Variants in EMG1 observed in about 807,000 individuals in gnomAD.
EMG1 encodes EMG1 N1-specific pseudouridine methyltransferase.
A neutral mutation model predicts 26.9 loss-of-function variants in EMG1; 24 were observed. The observed-to-expected ratio is 0.89, with a 90% confidence interval of 0.65 to 1.26. The LOEUF (loss-of-function observed/expected upper bound fraction) is 1.26, where lower values mean the gene tolerates loss of function less well. EMG1 is among the 50% of genes most tolerant of loss of function. The probability of loss-of-function intolerance (pLI) is 0.00; values close to 1 mark genes in which losing one functional copy is unlikely to be tolerated. For synonymous variants in EMG1, 140 were observed against 112.6 expected (o/e 1.24, Z -1.54); for missense variants, 299 against 307.6 (o/e 0.97, Z 0.21).
Position 6,975,502 on chromosome 12 carries a change from G to T in EMG1, c.621+124G>T. The T allele has an allele frequency of 3.5e-6, 4 of 1,149,978 alleles. No individual in the cohort carries two copies. The South Asian group carries it at 6.0e-5, about 17-fold the overall frequency. 71.2% of individuals were successfully genotyped at this position (1,149,978 alleles called of 1,614,324 possible). A position where few individuals can be genotyped will look rare whatever the true frequency, so the allele number is the denominator to read the frequency against. On this transcript the variant is annotated intron_variant, in intron 5 of 5. Coordinates refer to ENST00000599672, the MANE Select transcript of EMG1 (RefSeq NM_006331.8). The stretch of plus-strand genomic sequence containing the variant: ...AAGACACATGACAGTTCCACACCCT[G>T]CCCCAGGGCACATCCTTTGAGGGCT...
chr12:6,976,858 CG>C lies in EMG1; in HGVS notation c.*1050del. On this transcript the variant is annotated 3_prime_UTR_variant, in exon 6 of 6. Coordinates refer to ENST00000599672, the MANE Select transcript of EMG1 (RefSeq NM_006331.8). ...CAAAGGAGTGCTGTGAAAAGGGAGA[CG>C]AGTAGTTTCTGCACCAGTCCCGCAC... 3.3e-6 allele frequency: 1 copy of C among 302,710 alleles called. No homozygotes were observed. 18.8% of individuals were successfully genotyped at this position (302,710 alleles called of 1,614,324 possible).
At chr12:6,993,586 T>G (rs1295564470) in intron 7 of EMG1, among the ~76,000 whole-genome samples, 2 of 152,240 alleles carry the variant, frequency 1.3e-5, no homozygotes, top group African/African-American at 4.8e-5. Context: ...ATCTACTTTA[T>G]GTCTCTATAG....
downstream of EMG1, among the ~76,000 whole-genome samples, chr12:6,980,385 T>A (rs1282870267): frequency 6.6e-6 from 1 of 152,130 alleles, no homozygotes; most frequent in Non-Finnish European, 1.5e-5. Context: ...GATTTTGCTA[T>A]GTTGCCCAGA....
chr12:6,986,795 CAAAAAAAAAAAA>C (rs1157395768), intron 6 of EMG1, among the ~76,000 whole-genome samples: 5 of 33,924 alleles, frequency 1.5e-4, no homozygotes, highest in Non-Finnish European at 2.5e-4. Context: ...GACTCTGTCT[CAAAAAAAAAAAA>C]AAAAAAAAAA....
rs1402722258 is a variant in EMG1, at chr12:6,970,976, A to G, written c.53A>G (p.Gln18Arg). The change falls in exon 1 of 6, where the codon CAG becomes CGG. Residue 18 changes from glutamine to arginine, a missense_variant. Transcript: ENST00000599672. The part of the protein sequence containing the change: ...FKPRERSGGE[Q>R]AQDWDALPPK... ...CCTCGTGAACGAAGCGGTGGGGAGC[A>G]GGCACAGGACTGGGATGCTCTGCCA... The G allele has an allele frequency of 6.2e-7, 1 of 1,612,838 alleles. No individual in the cohort carries two copies. Among genetic ancestry groups the G allele is most frequent in the African/African-American group, 1.3e-5 (1 of 74,906 alleles).
At chr12:6,994,171 C>T (rs1423350672) in intron 7 of EMG1, among the ~76,000 whole-genome samples, 1 of 152,112 alleles carries the variant, frequency 6.6e-6, no homozygotes, top group South Asian at 2.1e-4. Flanking sequence ...TTTCAATTCT[C>T]TTGGGTATAT....
At chr12:6,990,880 G>A (rs1308410457), downstream of EMG1, among the ~76,000 whole-genome samples, 3 of 142,226 alleles carry the variant, frequency 2.1e-5, no homozygotes, top group Non-Finnish European at 4.5e-5. Flanking sequence ...TCACGCCACT[G>A]TGCTCCAGAC....
chr12:6,991,904 G>T (rs1449904592), downstream of EMG1, among the ~76,000 whole-genome samples: 1 of 152,004 alleles, frequency 6.6e-6, no homozygotes, highest in Non-Finnish European at 1.5e-5. Flanking sequence ...AGTTTAAAAA[G>T]ATGTACTCAG....
In EMG1 at chr12:6,978,355, G is replaced by A. The variant is rs376712653; in HGVS notation, c.*2546G>A. On this transcript the variant is annotated 3_prime_UTR_variant, in exon 6 of 6. Coordinates refer to ENST00000599672, the MANE Select transcript of EMG1 (RefSeq NM_006331.8). ...CAGCAGCTCACCGGGCCACCCAGGC[G>A]TTGGTGTTGATGTTGAATGAGGCAA... 1.4e-5 allele frequency: 23 copies of A among 1,610,972 alleles called. No homozygotes were observed. The highest frequency in any genetic ancestry group is 4.5e-5 in the East Asian group (2 of 44,854).
chr12:6,982,538 C>G (rs1189442562), downstream of EMG1: 18 of 644,556 alleles, frequency 2.8e-5, no homozygotes, highest in Admixed American at 4.4e-4. Flanking sequence ...AAGCCACCTA[C>G]CTGAAGTCAT....
chr12:6,986,850 C>G (rs1946531969), intron 6 of EMG1, among the ~76,000 whole-genome samples: 1 of 149,986 alleles, frequency 6.7e-6, no homozygotes, highest in African/African-American at 2.4e-5. Flanking sequence ...TGCGGCAGCT[C>G]ACACCTGTAA....
Position 6,978,843 on chromosome 12 carries a change from A to G in EMG1, c.*3034A>G, listed in dbSNP as rs1946438552. On this transcript the variant is annotated 3_prime_UTR_variant, in exon 6 of 6. Transcript: ENST00000599672. ...ATAGTCTGGCCTGATTGCCTTCACA[A>G]TAGGCAGAGAGGAATAAGCAGAGGG... 2 of 1,034,016 alleles carry G rather than the reference A, an allele frequency of 1.9e-6. No individual in the cohort carries two copies. Among genetic ancestry groups the G allele is most frequent in the Middle Eastern group, 2.6e-4 (1 of 3,796 alleles). The allele number at this position is 1,034,016 out of a possible 1,614,324, so 64.1% of individuals were successfully genotyped here.
intron 6 of EMG1, among the ~76,000 whole-genome samples, chr12:6,985,995 G>A (rs1477799868): frequency 1.7e-4 from 26 of 151,722 alleles, no homozygotes; most frequent in African/African-American, 6.3e-4. Context: ...GGCTGGTCTC[G>A]AACTCCTGAC....
Position 6,974,435 on chromosome 12 carries a change from C to T in EMG1, c.265C>T (p.His89Tyr), listed in dbSNP as rs1392318274. 3.7e-6 allele frequency: 6 copies of T among 1,613,254 alleles called. No homozygotes were observed. Among genetic ancestry groups the T allele is most frequent in the African/African-American group, 1.3e-5 (1 of 74,920 alleles). ...DPGEARPDIT[H>Y]QSLLMLMDSP... ...TGGGGAAGCGCGGCCAGATATCACC[C>T]ACCAGGTAACTCCAGGGACAGTGCT... is the stretch of plus-strand genomic sequence containing the variant. Residue 89 changes from histidine to tyrosine, a missense_variant, in exon 2 of 6, where the codon CAC becomes TAC. Coordinates refer to ENST00000599672, the MANE Select transcript of EMG1 (RefSeq NM_006331.8).
Position 6,978,386 on chromosome 12 carries a change from C to T in EMG1, c.*2577C>T. The T allele has an allele frequency of 5.0e-6, 8 of 1,613,588 alleles. No individual in the cohort carries two copies. Among genetic ancestry groups the T allele is most frequent in the East Asian group, 2.2e-5 (1 of 44,880 alleles). On this transcript the variant is annotated 3_prime_UTR_variant, in exon 6 of 6. Coordinates refer to ENST00000599672, the MANE Select transcript of EMG1 (RefSeq NM_006331.8). ...GTTGATGTTGAATGAGGCAATGGTG[C>T]CAGTGAAGCGGGGGTTTGTTTCAAA...
intron 6 of EMG1, among the ~76,000 whole-genome samples, chr12:6,986,058 A>G (rs1591549115): frequency 2.0e-5 from 3 of 151,518 alleles, no homozygotes; most frequent in Non-Finnish European, 4.4e-5. Flanking sequence ...TACAGGCGTG[A>G]GCCACCACGC....
chr12:6,982,632 C>T (rs782403359), downstream of EMG1: 38 of 1,462,330 alleles, frequency 2.6e-5, no homozygotes, highest in Non-Finnish European at 3.6e-5. Flanking sequence ...GTCCCCTGAA[C>T]CGCTGTCAGC....
rs782698373 is a variant in EMG1, at chr12:6,977,979, G to A, written c.*2170G>A. The A allele has an allele frequency of 5.2e-6, 3 of 576,516 alleles. No homozygotes were observed. The highest frequency in any genetic ancestry group is 4.0e-5 in the South Asian group (2 of 49,938). The allele number at this position is 576,516 out of a possible 1,614,324, so 35.7% of individuals were successfully genotyped here. On this transcript the variant is annotated 3_prime_UTR_variant, in exon 6 of 6. Coordinates refer to ENST00000599672, the MANE Select transcript of EMG1 (RefSeq NM_006331.8). This position sits in a 1 kb window ranked among gnomAD's most constrained non-coding sequence, Gnocchi z 4.5. ...GCCACTTGGTTCAGCAGCAGTGACTGAGGCTGATGCTGAGATCAGTGGTGA... is the reference window on the plus strand; with the variant it reads ...GCCACTTGGTTCAGCAGCAGTGACTAAGGCTGATGCTGAGATCAGTGGTGA...
chr12:6,995,235 G>C (rs1306804870), intron 7 of EMG1, among the ~76,000 whole-genome samples: 7 of 151,860 alleles, frequency 4.6e-5, no homozygotes, highest in African/African-American at 1.7e-4. Flanking sequence ...CAGCACTTTG[G>C]GAGGCCAAGG....
Sources: allele counts gnomAD v4.1 joint callset (sites outside exome capture counted in the v4.1 genomes callset), GRCh38; gene constraint gnomAD v4.1.1; non-coding constraint Gnocchi (gnomAD v3.1); transcripts MANE v1.5; gene names NCBI Gene and HGNC (gene_info 2026-07-23, HGNC 2026-07-21).